The following MRE11 variants were observed in gnomAD, a reference collection of about 807,000 sequenced individuals.
The protein encoded by MRE11 is double-strand break repair protein MRE11.
MRE11 carries 62 observed loss-of-function variants against 91.7 expected under a neutral mutation model. The observed-to-expected ratio is 0.68, with a 90% confidence interval of 0.55 to 0.84. The LOEUF (loss-of-function observed/expected upper bound fraction) is 0.84, where lower values mean the gene tolerates loss of function less well. MRE11 is among the 40% of genes least tolerant of loss of function. The pLI is 0.00. For synonymous variants in MRE11, 273 were observed against 271.4 expected (o/e 1.01, Z -0.06); for missense variants, 796 against 852.9 (o/e 0.93, Z 0.83).
chr11:94,508,549 C>T, the MRE11 span, among the ~76,000 whole-genome samples: 1 of 152,138 alleles, frequency 6.6e-6, no homozygotes, highest in African/African-American at 2.4e-5. Context: ...ACACACACTA[C>T]ATTGCAGTGA....
chr11:94,427,184 G>A (rs191603203), intron 19 of MRE11, among the ~76,000 whole-genome samples: 13 of 152,166 alleles, frequency 8.5e-5, no homozygotes, highest in Non-Finnish European at 1.3e-4. Context: ...ACATCAAAAA[G>A]TTAATATACC....
In MRE11 at chr11:94,457,548, G is replaced by A. The variant is rs912108514; in HGVS notation, c.1501-1210C>T. On this transcript the variant is annotated intron_variant, in intron 13 of 19. Transcript: ENST00000323929. ...TTAAAAGATGAGACAGTATGTAATCGTGCCCTAGGTGATAAGTAGCATACC... is the reference window on the plus strand; with the variant it reads ...TTAAAAGATGAGACAGTATGTAATCATGCCCTAGGTGATAAGTAGCATACC... 6.6e-5 allele frequency among the ~76,000 whole-genome samples: 10 copies of A among 152,204 alleles called. No homozygotes were observed. In the East Asian group the frequency reaches 1.9e-3, roughly 29 times the overall value.
At chr11:94,501,067 C>A in the MRE11 span, among the ~76,000 whole-genome samples, 5 of 152,172 alleles carry the variant, frequency 3.3e-5, no homozygotes, top group South Asian at 1.0e-3. Flanking sequence ...TCCAGTCCAT[C>A]TGTAGGATTA....
At chr11:94,464,825 A>G (rs1234770284) in intron 10 of MRE11, among the ~76,000 whole-genome samples, 1 of 152,218 alleles carries the variant, frequency 6.6e-6, no homozygotes, top group Non-Finnish European at 1.5e-5. Context: ...GACCTTTACA[A>G]AGACAAATAC....
At chr11:94,420,222 G>A (rs775716394) in intron 19 of MRE11, 41 bp from the exon 20 acceptor site, 4 of 1,499,464 alleles carry the variant, frequency 2.7e-6, no homozygotes, top group African/African-American at 2.7e-5. Context: ...ATTGTTCCCT[G>A]CTTCACTGAA....
chr11:94,418,074 T>G lies in MRE11; in HGVS notation c.*2051A>C, dbSNP rs1050469320. 1.3e-4 allele frequency: 30 copies of G among 232,928 alleles called. No individual in the cohort carries two copies. The highest frequency in any genetic ancestry group is 2.5e-5 in the Non-Finnish European group (3 of 117,982). The allele number at this position is 232,928 out of a possible 1,614,324, so 14.4% of individuals were successfully genotyped here. A position where few individuals can be genotyped will look rare whatever the true frequency, so the allele number is the denominator to read the frequency against. ...CAAATCATCTGAAAGACTTCTACAT[T>G]CCTATACCAACAGGTCTGAAAATTG... is the stretch of plus-strand genomic sequence containing the variant. On this transcript the variant is annotated 3_prime_UTR_variant, in exon 20 of 20. Transcript: ENST00000323929.
chr11:94,481,984 A>G (rs537034990), intron 4 of MRE11, among the ~76,000 whole-genome samples: 1 of 152,362 alleles, frequency 6.6e-6, no homozygotes, highest in South Asian at 2.1e-4. Context: ...ATATTCAGAA[A>G]GAGAAAGGAA....
At chr11:94,447,753 T>C (rs913310981) in intron 14 of MRE11, among the ~76,000 whole-genome samples, 2 of 151,614 alleles carry the variant, frequency 1.3e-5, no homozygotes, top group South Asian at 2.1e-4. Context: ...GGAGGATCAC[T>C]TGAGCCTAGG....
At chr11:94,476,108 G>A (rs925916218) in intron 7 of MRE11, among the ~76,000 whole-genome samples, 181 bp downstream of exon 7, 1 of 152,046 alleles carries the variant, frequency 6.6e-6, no homozygotes, top group Non-Finnish European at 1.5e-5. Flanking sequence ...TATTCTTGTA[G>A]GTATTAATAT....
At chr11:94,471,917 A>G (rs1178967163) in intron 7 of MRE11, among the ~76,000 whole-genome samples, 158 bp from the exon 8 acceptor site, 12 of 152,206 alleles carry the variant, frequency 7.9e-5, no homozygotes, top group Middle Eastern at 6.8e-3. Context: ...AAGATCATCA[A>G]TGCTAACTCC....
chr11:94,420,020 G>T lies in MRE11; in HGVS notation c.*105C>A. On this transcript the variant is annotated 3_prime_UTR_variant, in exon 20 of 20. Coordinates refer to ENST00000323929, the MANE Select transcript of MRE11 (RefSeq NM_005591.4). Reference sequence around the variant, plus strand: ...GAACTAGAAATTTCTTACTTATGGAGTTATGCTCAGGAAACAATACTTAAA... The same window carrying T: ...GAACTAGAAATTTCTTACTTATGGATTTATGCTCAGGAAACAATACTTAAA... 1 of 912,944 alleles carries T rather than the reference G, an allele frequency of 1.1e-6. No individual in the cohort carries two copies. The highest frequency in any genetic ancestry group is 1.7e-6 in the Non-Finnish European group (1 of 590,056). The allele number at this position is 912,944 out of a possible 1,614,324, so 56.6% of individuals were successfully genotyped here.
intron 16 of MRE11, among the ~76,000 whole-genome samples, chr11:94,440,888 T>C (rs550431523): frequency 6.6e-6 from 1 of 152,222 alleles, no homozygotes; most frequent in Non-Finnish European, 1.5e-5. Context: ...AACTATGTGC[T>C]TGGAAGCTCC....
chr11:94,447,412 T>C lies in MRE11; in HGVS notation c.1590A>G (p.Arg530=). The change falls in exon 15 of 20, where the codon AGA becomes AGG. Residue 530 remains arginine (R), a synonymous_variant. Coordinates refer to ENST00000323929, the MANE Select transcript of MRE11 (RefSeq NM_005591.4). Reference sequence around the variant, plus strand: ...CAGAAGCAGACTCCTCTGACTGAGATCTGAGTGCTCTGGCCCTGGTCATAG... The same window carrying C: ...CAGAAGCAGACTCCTCTGACTGAGACCTGAGTGCTCTGGCCCTGGTCATAG... ...REAMTRARAL[R]SQSEESASAF... is the part of the protein sequence containing the mutation. The C allele has an allele frequency of 6.2e-7, 1 of 1,614,106 alleles. No individual in the cohort carries two copies. The highest frequency in any genetic ancestry group is 8.5e-7 in the Non-Finnish European group (1 of 1,180,002).
At chr11:94,486,234 T>A (rs1463724514) in intron 3 of MRE11, 150 bp from the exon 4 acceptor site, 1 of 754,796 alleles carries the variant, frequency 1.3e-6, no homozygotes, top group African/African-American at 1.8e-5. Flanking sequence ...AAAGGGACTT[T>A]CAATCTGGTA....
At chr11:94,430,161 C>T (rs895089160) in intron 18 of MRE11, among the ~76,000 whole-genome samples, 175 bp from the exon 19 acceptor site, 5 of 152,144 alleles carry the variant, frequency 3.3e-5, no homozygotes, top group Non-Finnish European at 7.4e-5. Flanking sequence ...ACTCTGGGGC[C>T]GAGGTTTGAA....
At chr11:94,442,533 G>A (rs1411215578) in intron 16 of MRE11, among the ~76,000 whole-genome samples, 2 of 152,074 alleles carry the variant, frequency 1.3e-5, no homozygotes, top group Non-Finnish European at 2.9e-5. Context: ...TTTGGGCTAA[G>A]GTAAAGGTGG....
At chr11:94,447,516 A>G in intron 14 of MRE11, 78 bp from the exon 15 acceptor site, 1 of 1,363,308 alleles carries the variant, frequency 7.3e-7, no homozygotes, top group Admixed American at 1.8e-5. Flanking sequence ...AGGCATTGAC[A>G]TGAACTAATC....
chr11:94,473,014 G>A (rs1243136567), intron 7 of MRE11: 1 of 152,044 alleles, frequency 6.6e-6, no homozygotes, highest in East Asian at 1.9e-4. Context: ...GGGTAGTCAG[G>A]AAGACCTCTC....
Position 94,464,193 on chromosome 11 carries a change from C to G in MRE11, c.1145G>C (p.Ser382Thr), listed in dbSNP as rs745769023. Residue 382 changes from serine to threonine, a missense_variant, in exon 11 of 20, where the codon AGC becomes ACC. Physicochemically the swap from Ser to Thr is moderately conservative, Grantham distance 58 (BLOSUM62 1). Coordinates refer to ENST00000323929, the MANE Select transcript of MRE11 (RefSeq NM_005591.4). ...AGCTACCCGATCCACAAATTTCTGG[C>G]TAAAGCGAAGAACACTGAAAGGTTC... ...GFEPFSVLRF[S>T]QKFVDRVANP... 64 of 1,613,828 alleles carry G rather than the reference C, an allele frequency of 4.0e-5. No individual in the cohort carries two copies. Among genetic ancestry groups the G allele is most frequent in the Non-Finnish European group, 4.9e-5 (58 of 1,179,932 alleles).
Sources: allele counts gnomAD v4.1 joint callset (sites outside exome capture counted in the v4.1 genomes callset), GRCh38; gene constraint gnomAD v4.1.1; transcripts MANE v1.5; gene names NCBI Gene and HGNC (gene_info 2026-07-23, HGNC 2026-07-21).